PCBP3: variants seen among roughly 807,000 people sequenced by gnomAD.
The protein encoded by PCBP3 is poly(rC) binding protein 3.
A neutral mutation model predicts 52.7 loss-of-function variants in PCBP3; 25 were observed. That is an observed-to-expected ratio of 0.47 (90% CI 0.35 to 0.66). The LOEUF (loss-of-function observed/expected upper bound fraction) is 0.66. PCBP3 is among the 30% of genes least tolerant of loss of function. The probability of loss-of-function intolerance (pLI) is 0.01; values close to 1 mark genes in which losing one functional copy is unlikely to be tolerated. For synonymous variants in PCBP3, 162 were observed against 183.0 expected (o/e 0.89, Z 0.93); for missense variants, 391 against 490.3 (o/e 0.80, Z 1.91).
chr21:45,884,038 A>AT (rs1236162306), intron 5 of PCBP3, among the ~76,000 whole-genome samples: 1 of 151,964 alleles, frequency 6.6e-6, no homozygotes, highest in African/African-American at 2.4e-5. Context: ...GGCTGAAGTG[A>AT]TCCCCCCACC....
chr21:45,684,254 TAATA>T (rs2082025280), intron 2 of PCBP3, among the ~76,000 whole-genome samples: 2 of 151,904 alleles, frequency 1.3e-5, no homozygotes, highest in Non-Finnish European at 1.5e-5. Context: ...AACAAAAAAG[TAATA>T]AGGTCCTGTG....
intron 4 of PCBP3, among the ~76,000 whole-genome samples, chr21:45,813,136 G>A (rs762904087): frequency 7.2e-5 from 11 of 152,038 alleles, no homozygotes; most frequent in Non-Finnish European, 1.3e-4. Flanking sequence ...TCTCTTCTGG[G>A]ACTCCAGTTA....
Position 45,928,647 on chromosome 21 carries a change from T to G in PCBP3, c.718-1270T>G, listed in dbSNP as rs1490197992. Among the ~76,000 whole-genome samples, 1 of 152,060 alleles carries G rather than the reference T, an allele frequency of 6.6e-6. No homozygotes were observed. The highest frequency in any genetic ancestry group is 1.9e-4 in the East Asian group (1 of 5,176). ...CTGGTCAGGTGCTCAGCAGCCGGCC[T>G]TCTCACGTGCAGATGGCAGCTCTGC... On this transcript the variant is annotated intron_variant, in intron 13 of 17. Coordinates refer to ENST00000681687, the MANE Select transcript of PCBP3 (RefSeq NM_001384156.1). This position sits in a 1 kb window ranked among gnomAD's most constrained non-coding sequence, Gnocchi z 4.1.
intron 6 of PCBP3, 107 bp from the exon 7 acceptor site, chr21:45,899,492 C>G: frequency 2.5e-6 from 2 of 790,926 alleles, no homozygotes; most frequent in South Asian, 3.0e-5. Context: ...AAGGTCCCTT[C>G]TGCACTCATA....
intron 5 of PCBP3, among the ~76,000 whole-genome samples, chr21:45,875,957 C>T (rs941339841): frequency 2.6e-5 from 4 of 152,234 alleles, no homozygotes; most frequent in Non-Finnish European, 5.9e-5. Flanking sequence ...ATGGCTGTGC[C>T]CATGGCCCCG....
intron 4 of PCBP3, among the ~76,000 whole-genome samples, chr21:45,838,672 G>A (rs1419667576): frequency 6.6e-6 from 1 of 151,978 alleles, no homozygotes; most frequent in Non-Finnish European, 1.5e-5. Context: ...TTTAGCCTAA[G>A]TAAATATATA....
intron 5 of PCBP3, among the ~76,000 whole-genome samples, chr21:45,888,982 T>A (rs1009299037): frequency 6.6e-6 from 1 of 152,274 alleles, no homozygotes; most frequent in African/African-American, 2.4e-5. Context: ...AGTTTGCACA[T>A]TAAATAGCCC....
At chr21:45,867,776 G>A (rs1199168386) in intron 5 of PCBP3, among the ~76,000 whole-genome samples, 47 of 152,280 alleles carry the variant, frequency 3.1e-4, no homozygotes, top group Admixed American at 3.1e-3. Flanking sequence ...CCTGGACGCA[G>A]CGTCTTCCTT....
intron 5 of PCBP3, among the ~76,000 whole-genome samples, chr21:45,882,021 T>C (rs2095416592): frequency 6.6e-6 from 1 of 152,218 alleles, no homozygotes; most frequent in Admixed American, 6.5e-5. Flanking sequence ...ATGTGTCTCC[T>C]CACTATAGTG....
intron 13 of PCBP3, among the ~76,000 whole-genome samples, chr21:45,921,748 G>C (rs1034495952): frequency 2.0e-5 from 3 of 152,178 alleles, no homozygotes; most frequent in Admixed American, 2.0e-4. Flanking sequence ...GAGCCCGGGA[G>C]GTGGAGGTTG....
chr21:45,910,419 G>A (rs911411772), intron 10 of PCBP3, among the ~76,000 whole-genome samples: 1 of 151,868 alleles, frequency 6.6e-6, no homozygotes, highest in Non-Finnish European at 1.5e-5. Flanking sequence ...CTGAGCCATC[G>A]GCCTGTCCCA....
chr21:45,915,244 C>T (rs2073186731), intron 12 of PCBP3: 1 of 152,184 alleles, frequency 6.6e-6, no homozygotes, highest in Admixed American at 6.5e-5. Context: ...CAGGGATTTG[C>T]CTGGTGTCAC....
rs139732929 is a variant in PCBP3, at chr21:45,917,985, C to T, written c.717+356C>T. On this transcript the variant is annotated intron_variant, in intron 13 of 17. Transcript: ENST00000681687. This position sits in a 1 kb window ranked among gnomAD's most constrained non-coding sequence, Gnocchi z 5.3. ...GCAGGCGTCAGTGATACTTTCTCTGCGCCTAAGAAGTTGGGTGACATTATC... is the reference window on the plus strand; with the variant it reads ...GCAGGCGTCAGTGATACTTTCTCTGTGCCTAAGAAGTTGGGTGACATTATC... 387 of 323,962 alleles carry T rather than the reference C, an allele frequency of 1.2e-3. 2 individuals carry two copies. The highest frequency in any genetic ancestry group is 7.8e-3 in the African/African-American group (362 of 46,698). The allele number at this position is 323,962 out of a possible 1,614,324, so 20.1% of individuals were successfully genotyped here.
At chr21:45,838,086 C>T (rs557026064) in intron 4 of PCBP3, among the ~76,000 whole-genome samples, 1 of 152,374 alleles carries the variant, frequency 6.6e-6, no homozygotes, top group African/African-American at 2.4e-5. Context: ...CAGTTGTTCT[C>T]ACTGCGATGA....
chr21:45,883,065 T>C (rs919820940), intron 5 of PCBP3, among the ~76,000 whole-genome samples: 1 of 152,272 alleles, frequency 6.6e-6, no homozygotes, highest in East Asian at 1.9e-4. Context: ...ACTGCTGTAG[T>C]TGTGTCCTGC....
intron 2 of PCBP3, among the ~76,000 whole-genome samples, chr21:45,672,415 G>A (rs1285444782): frequency 1.3e-5 from 2 of 151,998 alleles, no homozygotes; most frequent in African/African-American, 4.8e-5. Flanking sequence ...AGATCCCACA[G>A]CCTGCTTTCT....
intron 1 of PCBP3, among the ~76,000 whole-genome samples, chr21:45,648,549 G>C (rs1039516941): frequency 6.6e-6 from 1 of 152,180 alleles, no homozygotes; most frequent in Non-Finnish European, 1.5e-5. Flanking sequence ...GAGTAGACCA[G>C]GTATGCACTT....
At chr21:45,779,140 G>T (rs774772509) in intron 4 of PCBP3, among the ~76,000 whole-genome samples, 1 of 152,328 alleles carries the variant, frequency 6.6e-6, no homozygotes, top group South Asian at 2.1e-4. Flanking sequence ...AGGACATCAC[G>T]CAGTCTGCCA....
intron 5 of PCBP3, among the ~76,000 whole-genome samples, chr21:45,854,455 T>C (rs2094188193): frequency 6.6e-6 from 1 of 152,138 alleles, no homozygotes; most frequent in Non-Finnish European, 1.5e-5. Context: ...GATCCTACTC[T>C]CTGTCTCTAG....
Sources: allele counts gnomAD v4.1 joint callset (sites outside exome capture counted in the v4.1 genomes callset), GRCh38; gene constraint gnomAD v4.1.1; non-coding constraint Gnocchi (gnomAD v3.1); transcripts MANE v1.5; gene names NCBI Gene and HGNC (gene_info 2026-07-23, HGNC 2026-07-21).